Variants in MSI2 observed in about 807,000 individuals in gnomAD.
MSI2 encodes musashi RNA binding protein 2.
MSI2 carries 17 observed loss-of-function variants against 45.6 expected under a neutral mutation model. The ratio of observed to expected loss-of-function variants is 0.37; its 90% CI spans 0.26 to 0.56. MSI2 has a LOEUF of 0.56. Among genes scored for constraint, MSI2 ranks in the 20% least tolerant of loss-of-function variants. MSI2 has a pLI of 0.77. For synonymous variants in MSI2, 156 were observed against 158.2 expected, an observed-to-expected ratio of 0.99 and a Z score of 0.11; for missense variants, 293 against 444.2, an observed-to-expected ratio of 0.66 and a Z score of 3.06.
At chr17:57,535,432 C>T (rs1254107481) in intron 7 of MSI2, among the ~76,000 whole-genome samples, 1 of 152,226 alleles carries the variant, frequency 6.6e-6, no homozygotes, top group African/African-American at 2.4e-5. Context: ...GAGGACATCC[C>T]TGTGGCCTTC....
chr17:57,504,205 C>A (rs545653693), intron 6 of MSI2, among the ~76,000 whole-genome samples: 1 of 152,188 alleles, frequency 6.6e-6, no homozygotes, highest in African/African-American at 2.4e-5. Context: ...GCAGGGCACC[C>A]TCCCTTCCCG....
chr17:57,394,149 A>T (rs565525056), intron 5 of MSI2, among the ~76,000 whole-genome samples: 1 of 152,342 alleles, frequency 6.6e-6, no homozygotes, highest in African/African-American at 2.4e-5. Context: ...AAAGGTGAAG[A>T]CATACCTGCT....
intron 5 of MSI2, among the ~76,000 whole-genome samples, chr17:57,362,538 A>G (rs1355042346): frequency 6.6e-6 from 1 of 152,202 alleles, no homozygotes; most frequent in Non-Finnish European, 1.5e-5. Context: ...TGATCCGTCA[A>G]CTGTTGCAAC....
the MSI2 span, among the ~76,000 whole-genome samples, chr17:57,693,806 A>G: frequency 2.0e-5 from 3 of 152,364 alleles, no homozygotes; most frequent in African/African-American, 7.2e-5. Flanking sequence ...TTAGAACAGT[A>G]AAGGCTGTAG....
chr17:57,677,623 A>G (rs577409065), intron 13 of MSI2, among the ~76,000 whole-genome samples: 5 of 152,384 alleles, frequency 3.3e-5, no homozygotes, highest in African/African-American at 9.6e-5. Flanking sequence ...CGTTTTTGCC[A>G]GTAACTACTG....
At chr17:57,382,253 G>T (rs1598195887) in intron 5 of MSI2, among the ~76,000 whole-genome samples, 2 of 152,346 alleles carry the variant, frequency 1.3e-5, no homozygotes, top group Admixed American at 1.3e-4. Flanking sequence ...TTTCTGGTAG[G>T]AGGGGGACAG....
At chr17:57,502,794 A>G (rs2086145485) in intron 6 of MSI2, among the ~76,000 whole-genome samples, 1 of 151,418 alleles carries the variant, frequency 6.6e-6, no homozygotes. Context: ...ACCCTTCCCC[A>G]GCACCATTAC....
intron 7 of MSI2, among the ~76,000 whole-genome samples, chr17:57,585,354 T>C (rs1272273410): frequency 1.3e-5 from 2 of 152,208 alleles, no homozygotes; most frequent in African/African-American, 4.8e-5. Flanking sequence ...CTAGTTTGAC[T>C]GATAGGAGGG....
chr17:57,636,086 C>T (rs1909814397), intron 10 of MSI2, among the ~76,000 whole-genome samples: 1 of 152,114 alleles, frequency 6.6e-6, no homozygotes, highest in African/African-American at 2.4e-5. Flanking sequence ...AGTCCATTGT[C>T]TGTAGGGCTG....
chr17:57,613,587 G>T (rs1255604082), intron 8 of MSI2, among the ~76,000 whole-genome samples: 1 of 152,108 alleles, frequency 6.6e-6, no homozygotes, highest in Non-Finnish European at 1.5e-5. Context: ...GTGTCTGGTT[G>T]CCCTCCAGAA....
chr17:57,297,447 TA>T (rs139197711), intron 5 of MSI2, among the ~76,000 whole-genome samples: 2,186 of 151,782 alleles, frequency 0.014, 33 homozygotes, highest in Non-Finnish European at 0.024. Flanking sequence ...ATACATTTGA[TA>T]AAAAAAAATT....
chr17:57,678,455 C>T (rs1030690292), intron 13 of MSI2, among the ~76,000 whole-genome samples: 5 of 152,202 alleles, frequency 3.3e-5, no homozygotes, highest in Non-Finnish European at 5.9e-5. Context: ...CAACTGGTAT[C>T]ACCAAGAACT....
intron 6 of MSI2, among the ~76,000 whole-genome samples, chr17:57,509,144 C>T (rs922168164): frequency 2.6e-5 from 4 of 151,944 alleles, no homozygotes; most frequent in Admixed American, 1.3e-4. Flanking sequence ...GCTTGGGAGA[C>T]GAATTGGAAG....
intron 6 of MSI2, among the ~76,000 whole-genome samples, chr17:57,402,791 A>G (rs2084017011): frequency 6.6e-6 from 1 of 152,136 alleles, no homozygotes; most frequent in African/African-American, 2.4e-5. Context: ...CTGCCCTTCC[A>G]GGTTGGTTTT....
intron 6 of MSI2, among the ~76,000 whole-genome samples, chr17:57,485,371 A>G (rs796881440): frequency 1.2e-4 from 18 of 152,340 alleles, no homozygotes; most frequent in African/African-American, 4.1e-4. Context: ...TGGTTAACGT[A>G]TGAAGCTTTC....
chr17:57,354,780 G>T (rs1007093407), intron 5 of MSI2, among the ~76,000 whole-genome samples: 1 of 152,122 alleles, frequency 6.6e-6, no homozygotes, highest in African/African-American at 2.4e-5. Context: ...AGGAGCATGC[G>T]ATGGGATGTT....
intron 1 of MSI2, 22 bp from the exon 2 acceptor site, chr17:57,257,076 C>CT: frequency 7.2e-7 from 1 of 1,391,188 alleles, no homozygotes; most frequent in Non-Finnish European, 9.6e-7. Flanking sequence ...GTGCTCACTT[C>CT]TGTTATGTTT....
intron 5 of MSI2, among the ~76,000 whole-genome samples, chr17:57,284,773 C>T (rs1341820400): frequency 6.6e-6 from 1 of 152,166 alleles, no homozygotes; most frequent in Non-Finnish European, 1.5e-5. Flanking sequence ...CATCTGCCCC[C>T]ATTGGGGGAG....
At chr17:57,522,670 T>G (rs909882487) in intron 6 of MSI2, 2 of 152,102 alleles carry the variant, frequency 1.3e-5, no homozygotes, top group Non-Finnish European at 1.5e-5. Context: ...CTCATAGAAT[T>G]TCCTCCTTTC....
Sources: allele counts gnomAD v4.1 joint callset (sites outside exome capture counted in the v4.1 genomes callset), GRCh38; gene constraint gnomAD v4.1.1; transcripts MANE v1.5; gene names NCBI Gene and HGNC (gene_info 2026-07-23, HGNC 2026-07-21).